Variants in ILF2 observed in about 807,000 individuals in gnomAD.
ILF2 encodes interleukin enhancer binding factor 2, also known as interleukin enhancer-binding factor 2.
In ILF2, 9 loss-of-function variants were observed where a neutral mutation model predicts 55.3. That is an observed-to-expected ratio of 0.16 (90% confidence interval 0.10 to 0.28). The LOEUF is 0.28. ILF2 is among the 10% of genes least tolerant of loss of function. The pLI is 1.00. For synonymous variants in ILF2, 151 were observed against 161.8 expected (o/e 0.93, Z 0.50); for missense variants, 266 against 474.9 (o/e 0.56, Z 4.09).
chr1:153,662,945 T>A (rs1346540566), intron 12 of ILF2, 74 bp downstream of exon 12: 1 of 1,399,934 alleles, frequency 7.1e-7, no homozygotes, highest in Non-Finnish European at 1.0e-6. Context: ...AAAGACCATA[T>A]TCCGCTTTGC....
Position 153,663,003 on chromosome 1 carries a change from A to C in ILF2, c.921+16T>G. On this transcript the variant is annotated intron_variant, in intron 12 of 13. Transcript: ENST00000361891. ...AGAGTGGGGCAAAACAACTCAGTTC[A>C]TATCTGTCCCAATACCTGCTGTTCT... 2 of 1,594,946 alleles carry C rather than the reference A, an allele frequency of 1.3e-6. No homozygotes were observed. The highest frequency in any genetic ancestry group is 1.7e-6 in the Non-Finnish European group (2 of 1,162,732).
chr1:153,668,919 G>T lies in ILF2; in HGVS notation c.109-362C>A, dbSNP rs12091690. Among the ~76,000 whole-genome samples the T allele has an allele frequency of 3.4e-3, 514 of 151,514 alleles. 2 individuals are homozygous for T. Among genetic ancestry groups the T allele is most frequent in the African/African-American group, 0.011 (446 of 41,288 alleles). ...CCTCAAAAAAAAAAATTTATTCAAA[G>T]GCCAGGCACAGTGGGTCACGCACAC... On this transcript the variant is annotated intron_variant, in intron 3 of 13. Coordinates refer to ENST00000361891, the MANE Select transcript of ILF2 (RefSeq NM_004515.4).
chr1:153,670,239 G>A lies in ILF2; in HGVS notation c.6-9C>T, dbSNP rs757272710. ...CACGGCCTCTGTCACCCCTAGAAATGCAGATTTTATTTTGACCTCATTGAA... is the reference window on the plus strand; with the variant it reads ...CACGGCCTCTGTCACCCCTAGAAATACAGATTTTATTTTGACCTCATTGAA... On this transcript the variant is annotated splice_polypyrimidine_tract_variant and intron_variant, in intron 1 of 13. Transcript: ENST00000361891. 3.9e-5 allele frequency: 63 copies of A among 1,613,378 alleles called. No individual in the cohort carries two copies. Among genetic ancestry groups the A allele is most frequent in the Admixed American group, 1.8e-4 (11 of 59,950 alleles).
At chr1:153,664,375 A>G (rs368079351) in intron 9 of ILF2, 21 bp downstream of exon 9, 2 of 1,598,578 alleles carry the variant, frequency 1.3e-6, no homozygotes, top group South Asian at 1.1e-5. Flanking sequence ...TCTTAATCCA[A>G]ATGGTTAGAG....
At chr1:153,667,420 A>T in intron 6 of ILF2, 135 bp downstream of exon 6, 1 of 704,994 alleles carries the variant, frequency 1.4e-6, no homozygotes, top group Non-Finnish European at 2.6e-6. Flanking sequence ...TCAAGGCTGC[A>T]GTGAGCTACA....
At chr1:153,664,590 C>G (rs994700760) in intron 8 of ILF2, 116 bp from the exon 9 acceptor site, 2 of 824,800 alleles carry the variant, frequency 2.4e-6, no homozygotes, top group African/African-American at 1.7e-5. Flanking sequence ...GAGTCTCGCT[C>G]TGTTGTCCAG....
At position 153,664,376 on chromosome 1, in the gene ILF2, A is replaced by G. The variant is rs192101027; in HGVS notation, c.656+20T>C. On this transcript the variant is annotated intron_variant, in intron 9 of 13. Transcript: ENST00000361891. ...AGTTAAAAAGTTTATCTTAATCCAA[A>G]TGGTTAGAGAGGGACTCACGTGGAC... 1.1e-5 allele frequency: 17 copies of G among 1,598,528 alleles called. No individual in the cohort carries two copies. In the Admixed American group the frequency reaches 1.8e-4, roughly 17 times the overall value.
intron 1 of ILF2, among the ~76,000 whole-genome samples, chr1:153,670,683 G>A (rs1669420294): frequency 6.6e-6 from 1 of 151,926 alleles, no homozygotes; most frequent in South Asian, 2.1e-4. Flanking sequence ...CAACCCTTCA[G>A]AGACAAAGGT....
intron 10 of ILF2, 59 bp downstream of exon 10, chr1:153,663,982 ACT>A: frequency 1.2e-6 from 1 of 845,510 alleles, no homozygotes; most frequent in Non-Finnish European, 2.0e-6. Flanking sequence ...TACTACTACT[ACT>A]ACTACTACTA....
In ILF2 at chr1:153,670,943, A is replaced by T; in HGVS notation, c.-21T>A. On this transcript the variant is annotated 5_prime_UTR_variant, in exon 1 of 14. It adds an upstream start codon to the 5' untranslated region. Transcript: ENST00000361891. The stretch of plus-strand genomic sequence containing the variant: ...CTCATGGCGCCTTAAAACACGAACA[A>T]TGGAGGCCGCACCAACCGCCCCTTC... The T allele has an allele frequency of 6.2e-7, 1 of 1,614,160 alleles. No individual in the cohort carries two copies. The highest frequency in any genetic ancestry group is 1.3e-5 in the African/African-American group (1 of 75,036).
intron 10 of ILF2, 37 bp from the exon 11 acceptor site, chr1:153,663,313 A>C (rs1374724111): frequency 6.3e-7 from 1 of 1,585,778 alleles, no homozygotes; most frequent in South Asian, 1.1e-5. Flanking sequence ...TGCCATCAAA[A>C]TGGCACTTCT....
At chr1:153,668,662 T>C in intron 3 of ILF2, 105 bp from the exon 4 acceptor site, 1 of 1,323,218 alleles carries the variant, frequency 7.6e-7, no homozygotes, top group Non-Finnish European at 1.0e-6. Flanking sequence ...CAGAAAATTC[T>C]ACACTTGTTT....
Position 153,670,229 on chromosome 1 carries a change from C to G in ILF2, c.7G>C (p.Gly3Arg), listed in dbSNP as rs1297346664. The change falls in exon 2 of 14, where the codon GGT becomes CGT. Residue 3 changes from glycine (G) to arginine (R), a missense_variant and splice_region_variant. Physicochemically the swap from Gly to Arg is moderately radical, Grantham distance 125 (BLOSUM62 -2). Transcript: ENST00000361891. Reference protein sequence around the residue: MRGDRGRGRGGRF... With the variant: MRRDRGRGRGGRF... Reference sequence around the variant, plus strand: ...CCACCACGACCACGGCCTCTGTCACCCCTAGAAATGCAGATTTTATTTTGA... The same window carrying G: ...CCACCACGACCACGGCCTCTGTCACGCCTAGAAATGCAGATTTTATTTTGA... 2 of 1,613,960 alleles carry G rather than the reference C, an allele frequency of 1.2e-6. No individual in the cohort carries two copies. The highest frequency in any genetic ancestry group is 1.7e-6 in the Non-Finnish European group (2 of 1,179,968).
intron 6 of ILF2, among the ~76,000 whole-genome samples, chr1:153,666,759 G>A (rs115935037): frequency 0.016 from 2,368 of 152,292 alleles, 61 homozygotes; most frequent in African/African-American, 0.053. Flanking sequence ...AAACATGGCC[G>A]TACAGTAACC....
At position 153,668,612 on chromosome 1, in the gene ILF2, G is replaced by A. The variant is rs1375285621; in HGVS notation, c.109-55C>T. On this transcript the variant is annotated intron_variant, in intron 3 of 13. Transcript: ENST00000361891. Reference sequence around the variant, plus strand: ...TTTGCCGAAGATAATATACAGGAGAGATTGTTTTTTCTATTACTACGACAG... The same window carrying A: ...TTTGCCGAAGATAATATACAGGAGAAATTGTTTTTTCTATTACTACGACAG... 7 of 1,529,640 alleles carry A rather than the reference G, an allele frequency of 4.6e-6. No homozygotes were observed. In the East Asian group the frequency reaches 1.6e-4, roughly 36 times the overall value. 94.8% of individuals were successfully genotyped at this position (1,529,640 alleles called of 1,614,324 possible). A position where few individuals can be genotyped will look rare whatever the true frequency, so the allele number is the denominator to read the frequency against.
At position 153,662,727 on chromosome 1, in the gene ILF2, A is replaced by G. The variant is rs1255191805; in HGVS notation, c.990T>C (p.Leu330=). 2 of 1,614,214 alleles carry G rather than the reference A, an allele frequency of 1.2e-6. No homozygotes were observed. The highest frequency in any genetic ancestry group is 1.7e-6 in the Non-Finnish European group (2 of 1,180,018). The part of the protein sequence containing the change: ...ILSHGGFRKI[L]GQEGDASYLA... ...CACAGCTGGCATCACCCTCCTGGCC[A>G]AGGATCTTCCTAAAGCCACCATGTG... Residue 330 remains leucine (L), a synonymous_variant, in exon 13 of 14, where the codon CTT becomes CTC. Transcript: ENST00000361891.
In ILF2 at chr1:153,664,477, A is replaced by G. The variant is rs771023188; in HGVS notation, c.578-3T>C. On this transcript the variant is annotated splice_region_variant and splice_polypyrimidine_tract_variant and intron_variant, in intron 8 of 13. Coordinates refer to ENST00000361891, the MANE Select transcript of ILF2 (RefSeq NM_004515.4). ...ACTCTGCAATACTTTGATATCCACT[A>G]AAAAGACAAGCATGATATGCCAGGA... The G allele has an allele frequency of 8.7e-6, 14 of 1,609,784 alleles. No individual in the cohort carries two copies. Among genetic ancestry groups the G allele is most frequent in the Admixed American group, 1.7e-5 (1 of 59,980 alleles).
At chr1:153,668,829 C>T (rs1669375406) in intron 3 of ILF2, among the ~76,000 whole-genome samples, 1 of 151,526 alleles carries the variant, frequency 6.6e-6, no homozygotes, top group South Asian at 2.1e-4. Flanking sequence ...ACACAGGAAG[C>T]GAGGTTGCAG....
intron 1 of ILF2, among the ~76,000 whole-genome samples, 189 bp downstream of exon 1, chr1:153,670,729 C>T (rs1029614428): frequency 1.3e-5 from 2 of 152,074 alleles, no homozygotes; most frequent in Non-Finnish European, 2.9e-5. Flanking sequence ...GCCCGAACCC[C>T]ATCCCGGGCC....
Sources: allele counts gnomAD v4.1 joint callset (sites outside exome capture counted in the v4.1 genomes callset), GRCh38; gene constraint gnomAD v4.1.1; transcripts MANE v1.5; gene names NCBI Gene and HGNC (gene_info 2026-07-23, HGNC 2026-07-21).